The following DGKB variants were observed in gnomAD, a reference collection of about 807,000 sequenced individuals.
DGKB encodes 90 kDa diacylglycerol kinase.
A neutral mutation model predicts 114.3 loss-of-function variants in DGKB; 67 were observed. The ratio of observed to expected loss-of-function variants is 0.59; its 90% CI spans 0.48 to 0.72. The LOEUF is 0.72. Ranked by LOEUF, DGKB falls within the 30% of genes least tolerant of loss-of-function variation. The pLI is 0.00. For synonymous variants in DGKB, 398 were observed against 323.1 expected (o/e 1.23, Z -2.49); for missense variants, 907 against 975.2 (o/e 0.93, Z 0.93).
At chr7:14,639,085 G>T (rs1585256622) in intron 13 of DGKB, among the ~76,000 whole-genome samples, 1 of 151,846 alleles carries the variant, frequency 6.6e-6, no homozygotes, top group African/African-American at 2.4e-5. Context: ...AAAACACGAA[G>T]TGAGCATTTC....
At chr7:14,546,189 A>G (rs906587140) in intron 20 of DGKB, among the ~76,000 whole-genome samples, 17 of 152,332 alleles carry the variant, frequency 1.1e-4, no homozygotes, top group African/African-American at 4.1e-4. Context: ...TTGCATAAAT[A>G]TGGAACCCAA....
chr7:14,431,969 CA>C (rs1828516921), intron 21 of DGKB, among the ~76,000 whole-genome samples: 2 of 149,462 alleles, frequency 1.3e-5, no homozygotes, highest in Non-Finnish European at 3.0e-5. Context: ...AATGTCTTGA[CA>C]TTTGTTAGCT....
At chr7:14,664,022 C>A (rs1817612855) in intron 13 of DGKB, among the ~76,000 whole-genome samples, 1 of 151,866 alleles carries the variant, frequency 6.6e-6, no homozygotes, top group Non-Finnish European at 1.5e-5. Context: ...TTCATGAAAT[C>A]TAATAGTTCT....
intron 21 of DGKB, among the ~76,000 whole-genome samples, chr7:14,387,814 G>T (rs2128700086): frequency 6.6e-6 from 1 of 151,298 alleles, no homozygotes; most frequent in East Asian, 1.9e-4. Context: ...ATCTTATAAG[G>T]TGTGGAATCT....
intron 2 of DGKB, among the ~76,000 whole-genome samples, chr7:14,822,418 A>T (rs540166453): frequency 6.6e-6 from 1 of 152,286 alleles, no homozygotes; most frequent in South Asian, 2.1e-4. Flanking sequence ...AGGGTAGGAA[A>T]GAAGAAATTA....
intron 20 of DGKB, among the ~76,000 whole-genome samples, chr7:14,529,711 G>A (rs10267996): frequency 6.6e-6 from 1 of 151,668 alleles, no homozygotes. Flanking sequence ...TTGACATAGT[G>A]TTAATATCAT....
intron 3 of DGKB, among the ~76,000 whole-genome samples, chr7:14,757,365 A>G (rs978274406): frequency 2.0e-5 from 3 of 152,098 alleles, no homozygotes; most frequent in African/African-American, 4.8e-5. Context: ...AATATAGAAG[A>G]GTTATTTGAA....
intron 13 of DGKB, among the ~76,000 whole-genome samples, chr7:14,670,802 G>A (rs1410399999): frequency 6.6e-6 from 1 of 151,762 alleles, no homozygotes; most frequent in Non-Finnish European, 1.5e-5. Context: ...TAGTTTTATT[G>A]TTTATTGTCT....
rs1791929664 is a variant in DGKB at position 14,533,500 on chromosome 7, A to T, written c.1770+40712T>A. On this transcript the variant is annotated intron_variant, in intron 20 of 25. Transcript: ENST00000402815. ...ACTTATTTAAAAGTTATTATTTTTA[A>T]AAGTTATTATTTAAAAAAATAATAG... is the stretch of plus-strand genomic sequence containing the variant. Among the ~76,000 whole-genome samples, 2 of 151,848 alleles carry T rather than the reference A, an allele frequency of 1.3e-5. 1 individual carries two copies. Among genetic ancestry groups the T allele is most frequent in the South Asian group, 4.1e-4 (2 of 4,834 alleles).
intron 20 of DGKB, among the ~76,000 whole-genome samples, chr7:14,567,400 A>C (rs1490761316): frequency 2.5e-5 from 1 of 40,694 alleles, no homozygotes; most frequent in Non-Finnish European, 4.0e-5. Context: ...ATATAATTAT[A>C]TTATATATAT....
intron 17 of DGKB, among the ~76,000 whole-genome samples, chr7:14,589,310 G>A (rs1369283064): frequency 6.6e-6 from 1 of 151,774 alleles, no homozygotes; most frequent in Non-Finnish European, 1.5e-5. Context: ...GGATTTCTAT[G>A]TATGTAATTG....
rs1252215205 is a variant in DGKB at position 14,695,877 on chromosome 7, C to A, written c.592-1683G>T. 2.0e-5 allele frequency among the ~76,000 whole-genome samples: 3 copies of A among 152,016 alleles called. No homozygotes were observed. The East Asian group carries it at 5.8e-4, about 29-fold the overall frequency. On this transcript the variant is annotated intron_variant, in intron 8 of 25. Transcript: ENST00000402815. The stretch of plus-strand genomic sequence containing the variant: ...TGTGTACATTTGTTTACAATGAGAA[C>A]TACTGAAGCCTTAGGCAAGATGACA...
At position 14,885,077 on chromosome 7, in the gene DGKB, G is replaced by T. The variant is rs113728940; in HGVS notation, c.-188+17515C>A. Among the ~76,000 whole-genome samples the T allele has an allele frequency of 4.0e-3, 604 of 152,002 alleles. 8 individuals are homozygous for T. Among genetic ancestry groups the T allele is most frequent in the African/African-American group, 0.014 (567 of 41,520 alleles). On this transcript the variant is annotated intron_variant, in intron 1 of 25. Transcript: ENST00000402815. Reference sequence around the variant, plus strand: ...TGCATTAGCCTTGATTGGTTTAGACGATTGCTGACTTGAAAGCTCCTATTT... The same window carrying T: ...TGCATTAGCCTTGATTGGTTTAGACTATTGCTGACTTGAAAGCTCCTATTT...
intron 2 of DGKB, among the ~76,000 whole-genome samples, chr7:14,825,940 T>G (rs184150273): frequency 6.6e-6 from 1 of 152,290 alleles, no homozygotes; most frequent in Admixed American, 6.5e-5. Flanking sequence ...GCTTTCTGAC[T>G]AATTCTTGTC....
chr7:14,382,496 T>C (rs562015841), intron 21 of DGKB, among the ~76,000 whole-genome samples: 16 of 152,158 alleles, frequency 1.1e-4, no homozygotes, highest in African/African-American at 3.1e-4. Flanking sequence ...ATCCTAAAGT[T>C]TGTGAAACTA....
intron 20 of DGKB, among the ~76,000 whole-genome samples, chr7:14,538,337 C>T (rs1226164394): frequency 6.6e-6 from 1 of 152,032 alleles, no homozygotes; most frequent in Non-Finnish European, 1.5e-5. Flanking sequence ...CTTGAACAGA[C>T]ATTTTTCCAA....
intron 1 of DGKB, among the ~76,000 whole-genome samples, chr7:14,879,883 T>A (rs138898482): frequency 1.5e-3 from 222 of 152,278 alleles, no homozygotes; most frequent in Non-Finnish European, 2.6e-3. Flanking sequence ...ATAATAGGAA[T>A]CTAGTTTTAA....
intron 21 of DGKB, among the ~76,000 whole-genome samples, chr7:14,429,877 A>AG (rs1432158371): frequency 6.6e-6 from 1 of 152,042 alleles, no homozygotes; most frequent in African/African-American, 2.4e-5. Flanking sequence ...TAGTGAGCTG[A>AG]GATCAGGCCA....
At chr7:14,632,039 G>A (rs1809819319) in intron 13 of DGKB, among the ~76,000 whole-genome samples, 1 of 151,958 alleles carries the variant, frequency 6.6e-6, no homozygotes, top group Non-Finnish European at 1.5e-5. Context: ...TACATTTGCA[G>A]AGAGCAGGCA....
Sources: gnomAD v4.1 joint callset for allele counts (sites outside exome capture counted in the v4.1 genomes callset) on GRCh38, gnomAD v4.1.1 for gene constraint, MANE v1.5 for transcripts, NCBI Gene and HGNC (gene_info 2026-07-23, HGNC 2026-07-21) for gene names.